MDGA2: variants seen among roughly 807,000 people sequenced by gnomAD.
MDGA2 encodes the protein MAM domain containing glycosylphosphatidylinositol anchor 2.
MDGA2 carries 40 observed loss-of-function variants against 117.8 expected under a neutral mutation model. The observed-to-expected ratio is 0.34, with a 90% CI of 0.26 to 0.44. The LOEUF (loss-of-function observed/expected upper bound fraction) is 0.44, where lower values mean the gene tolerates loss of function less well. Among genes scored for constraint, MDGA2 ranks in the 20% least tolerant of loss-of-function variants. The probability of loss-of-function intolerance (pLI) is 1.00; values close to 1 mark genes in which losing one functional copy is unlikely to be tolerated. For missense variants in MDGA2, 1,123 were observed against 1,250.6 expected (o/e 0.90, Z 1.54); for synonymous variants, 452 against 439.0 (o/e 1.03, Z -0.37).
At chr14:46,923,451 C>CT (rs1382290949) in intron 9 of MDGA2, among the ~76,000 whole-genome samples, 2 of 151,872 alleles carry the variant, frequency 1.3e-5, no homozygotes, top group South Asian at 2.1e-4. Flanking sequence ...AGATCCGTTA[C>CT]TTTTTTTACT....
intron 3 of MDGA2, among the ~76,000 whole-genome samples, chr14:47,153,720 A>C (rs1401434134): frequency 2.0e-5 from 3 of 151,946 alleles, no homozygotes; most frequent in Admixed American, 6.6e-5. Flanking sequence ...AAAAAAAAAA[A>C]AAAAACAGTT....
intron 1 of MDGA2, among the ~76,000 whole-genome samples, chr14:47,388,238 T>C (rs1243849306): frequency 1.3e-5 from 2 of 152,196 alleles, no homozygotes; most frequent in Non-Finnish European, 2.9e-5. Flanking sequence ...AATAACGGTA[T>C]AAGTGATTTC....
At chr14:47,021,839 A>C (rs1009780467) in intron 8 of MDGA2, among the ~76,000 whole-genome samples, 3 of 152,206 alleles carry the variant, frequency 2.0e-5, no homozygotes, top group Non-Finnish European at 4.4e-5. Flanking sequence ...CTAGAATTTG[A>C]ATCCAGAGCC....
intron 1 of MDGA2, among the ~76,000 whole-genome samples, chr14:47,449,879 A>G (rs1478519980): frequency 6.6e-6 from 1 of 152,112 alleles, no homozygotes; most frequent in East Asian, 1.9e-4. Flanking sequence ...TAAAAATGTG[A>G]AAAAAATTTT....
chr14:47,149,464 AC>A (rs759083063), intron 3 of MDGA2, among the ~76,000 whole-genome samples: 32 of 152,146 alleles, frequency 2.1e-4, no homozygotes, highest in Non-Finnish European at 3.7e-4. Context: ...CAGTCCAGTC[AC>A]CACTGAGCTT....
At chr14:47,602,767 C>T (rs1294861105) in intron 1 of MDGA2, among the ~76,000 whole-genome samples, 1 of 152,164 alleles carries the variant, frequency 6.6e-6, no homozygotes, top group Non-Finnish European at 1.5e-5. Context: ...AGTAGCCCAA[C>T]ATATACATTT....
At chr14:47,647,285 T>C (rs942926750) in intron 1 of MDGA2, among the ~76,000 whole-genome samples, 1 of 152,162 alleles carries the variant, frequency 6.6e-6, no homozygotes, top group Non-Finnish European at 1.5e-5. Context: ...CAACATGTTA[T>C]ATTAGATTAT....
intron 1 of MDGA2, among the ~76,000 whole-genome samples, chr14:47,429,115 C>T (rs948269814): frequency 6.6e-6 from 1 of 151,080 alleles, no homozygotes; most frequent in African/African-American, 2.4e-5. Context: ...ATCCCAGCTA[C>T]GTGGGAAGCT....
intron 1 of MDGA2, among the ~76,000 whole-genome samples, chr14:47,408,621 A>C (rs1594842614): frequency 6.6e-6 from 1 of 152,286 alleles, no homozygotes; most frequent in African/African-American, 2.4e-5. Flanking sequence ...TTTTATCAAC[A>C]CTCTGAATAA....
chr14:47,251,113 T>C (rs1053681149), intron 2 of MDGA2, among the ~76,000 whole-genome samples: 2 of 152,232 alleles, frequency 1.3e-5, no homozygotes, highest in African/African-American at 4.8e-5. Context: ...CCACTACTCT[T>C]GTCTATTATG....
chr14:47,299,136 T>C (rs1889190707), intron 2 of MDGA2, among the ~76,000 whole-genome samples: 1 of 150,720 alleles, frequency 6.6e-6, no homozygotes, highest in Non-Finnish European at 1.5e-5. Flanking sequence ...AAAATGGAAT[T>C]GCTTAGGAAA....
At chr14:47,116,272 A>C (rs1881326580) in intron 5 of MDGA2, among the ~76,000 whole-genome samples, 1 of 152,144 alleles carries the variant, frequency 6.6e-6, no homozygotes, top group Admixed American at 6.6e-5. Context: ...CAGGGCACAA[A>C]CAAATGAAAA....
chr14:47,534,575 G>T (rs1455726739), intron 1 of MDGA2, among the ~76,000 whole-genome samples: 1 of 151,982 alleles, frequency 6.6e-6, no homozygotes. Context: ...GTGAGAACTC[G>T]CTCATTATCA....
chr14:47,578,323 G>A (rs1896154133), intron 1 of MDGA2, among the ~76,000 whole-genome samples: 1 of 152,054 alleles, frequency 6.6e-6, no homozygotes, highest in South Asian at 2.1e-4. Context: ...AAACCTAGAT[G>A]ACAGGTTGAT....
chr14:47,371,067 A>G (rs141285122), intron 1 of MDGA2, among the ~76,000 whole-genome samples: 146 of 152,000 alleles, frequency 9.6e-4, no homozygotes, highest in African/African-American at 3.4e-3. Context: ...AAGGAGTTCT[A>G]TAAGATAATA....
At chr14:47,435,538 A>G (rs1289361327) in intron 1 of MDGA2, among the ~76,000 whole-genome samples, 2 of 152,096 alleles carry the variant, frequency 1.3e-5, no homozygotes, top group African/African-American at 4.8e-5. Context: ...CTCAACCCAC[A>G]TTTTAACCAC....
intron 10 of MDGA2, among the ~76,000 whole-genome samples, chr14:46,919,622 T>A (rs1468631236): frequency 1.3e-5 from 2 of 152,216 alleles, no homozygotes; most frequent in Non-Finnish European, 2.9e-5. Context: ...TATGTACAAC[T>A]TCTGGCTTCT....
At chr14:47,074,547 G>A (rs577815543) in intron 6 of MDGA2, among the ~76,000 whole-genome samples, 7 of 152,142 alleles carry the variant, frequency 4.6e-5, no homozygotes, top group African/African-American at 1.2e-4. Context: ...TGATCCGCCC[G>A]CTTCGCCCTC....
chr14:47,395,369 A>G (rs1205019344), intron 1 of MDGA2, among the ~76,000 whole-genome samples: 1 of 152,142 alleles, frequency 6.6e-6, no homozygotes, highest in African/African-American at 2.4e-5. Context: ...CTACTTCCCC[A>G]CAGTGTTCTT....
Sources: allele counts gnomAD v4.1 joint callset (sites outside exome capture counted in the v4.1 genomes callset), GRCh38; gene constraint gnomAD v4.1.1; transcripts MANE v1.5; gene names NCBI Gene and HGNC (gene_info 2026-07-23, HGNC 2026-07-21).